The following IGF2BP2 variants were observed in gnomAD, a reference collection of about 807,000 sequenced individuals.
The protein encoded by IGF2BP2 is insulin like growth factor 2 mRNA binding protein 2.
In IGF2BP2, 17 loss-of-function variants were observed where a neutral mutation model predicts 75.8. That is an observed-to-expected ratio of 0.22 (90% confidence interval 0.15 to 0.34). The LOEUF is 0.34. Among genes scored for constraint, IGF2BP2 ranks in the 10% least tolerant of loss-of-function variants. The pLI, the probability that IGF2BP2 is intolerant of heterozygous loss-of-function variation, is 1.00. For missense variants in IGF2BP2, 516 were observed against 772.4 expected (o/e 0.67, Z 3.93); for synonymous variants, 288 against 295.6 (o/e 0.97, Z 0.26).
At chr3:185,817,221 C>T (rs1740728678) in intron 2 of IGF2BP2, among the ~76,000 whole-genome samples, 1 of 152,086 alleles carries the variant, frequency 6.6e-6, no homozygotes, top group South Asian at 2.1e-4. Context: ...GAGGAATAAA[C>T]AAAATGTATC....
In IGF2BP2 at chr3:185,645,534, C is replaced by G; in HGVS notation, c.1797G>C (p.Lys599Asn). Reference sequence around the variant, plus strand: ...TTTGCTGGTGCCTGTGGGAGCCTCACTTGCTGCGCTGTGAGGCGACTCCCT... The same window carrying G: ...TTTGCTGGTGCCTGTGGGAGCCTCAGTTGCTGCGCTGTGAGGCGACTCCCT... ...YPQGVASQRSK is the reference protein window; with the variant it reads ...YPQGVASQRSN Residue 599 changes from lysine to asparagine, a missense_variant, in exon 16 of 16, where the codon AAG (lysine) becomes AAC (asparagine). Coordinates refer to ENST00000382199, the MANE Select transcript of IGF2BP2 (RefSeq NM_006548.6). The surrounding 1 kb of genome is among the most constrained non-coding windows in gnomAD (Gnocchi z 4.9). 1 of 1,609,730 alleles carries G rather than the reference C, an allele frequency of 6.2e-7. No individual in the cohort carries two copies. Among genetic ancestry groups the G allele is most frequent in the Non-Finnish European group, 8.5e-7 (1 of 1,176,036 alleles).
At chr3:185,652,604 T>C (rs1577812714) in intron 12 of IGF2BP2, among the ~76,000 whole-genome samples, 1 of 152,174 alleles carries the variant, frequency 6.6e-6, no homozygotes, top group East Asian at 1.9e-4. Context: ...CAAAGGTATC[T>C]CTGGTTCTAA....
chr3:185,671,486 A>G (rs1336433524), intron 10 of IGF2BP2, among the ~76,000 whole-genome samples: 2 of 151,202 alleles, frequency 1.3e-5, no homozygotes, highest in Non-Finnish European at 3.0e-5. Context: ...GCAGTGAGAC[A>G]AGATCGCGCC....
intron 12 of IGF2BP2, among the ~76,000 whole-genome samples, chr3:185,653,505 C>T (rs1262017993): frequency 2.0e-5 from 3 of 151,908 alleles, no homozygotes; most frequent in Non-Finnish European, 2.9e-5. Context: ...CCTGCAGTCC[C>T]AGCTACTTGG....
At chr3:185,653,123 C>CCAGCTTCCTTCT (rs1714878747) in intron 12 of IGF2BP2, among the ~76,000 whole-genome samples, 1 of 152,044 alleles carries the variant, frequency 6.6e-6, no homozygotes. Context: ...GCCACTGCGC[C>CCAGCTTCCTTCT]CAGCTTCCTT....
At chr3:185,797,897 TAAAAAAA>T in intron 2 of IGF2BP2, among the ~76,000 whole-genome samples, 1 of 90,358 alleles carries the variant, frequency 1.1e-5, no homozygotes, top group East Asian at 3.1e-4. Flanking sequence ...CCCTGTCTCT[TAAAAAAA>T]AAAAAAAAAA....
intron 2 of IGF2BP2, among the ~76,000 whole-genome samples, chr3:185,753,610 G>C (rs1731227580): frequency 6.6e-6 from 1 of 152,084 alleles, no homozygotes; most frequent in Non-Finnish European, 1.5e-5. Flanking sequence ...ATTTCCTCTT[G>C]ATGTCCCAGT....
intron 2 of IGF2BP2, among the ~76,000 whole-genome samples, chr3:185,700,054 T>C (rs934332467): frequency 3.3e-5 from 5 of 152,150 alleles, no homozygotes; most frequent in Admixed American, 3.3e-4. Flanking sequence ...AATACTCATT[T>C]TGGGGGGTTG....
chr3:185,685,163 C>T lies in IGF2BP2; in HGVS notation c.812+1894G>A, dbSNP rs537151114. On this transcript the variant is annotated intron_variant, in intron 7 of 15. Transcript: ENST00000382199. Reference sequence around the variant, plus strand: ...AGGAGTTCGAGACCAGCCTGGGCAACGTGGTTAAACCCTGTCTCTACTAAA... The same window carrying T: ...AGGAGTTCGAGACCAGCCTGGGCAATGTGGTTAAACCCTGTCTCTACTAAA... Among the ~76,000 whole-genome samples the T allele has an allele frequency of 3.9e-5, 6 of 152,114 alleles. No individual in the cohort carries two copies. The South Asian group carries it at 8.3e-4, about 21-fold the overall frequency.
chr3:185,665,719 C>A, intron 10 of IGF2BP2, among the ~76,000 whole-genome samples: 1 of 152,160 alleles, frequency 6.6e-6, no homozygotes, highest in Non-Finnish European at 1.5e-5. Context: ...GTAATCCCAG[C>A]ACTTTGGGAG....
intron 9 of IGF2BP2, among the ~76,000 whole-genome samples, chr3:185,673,854 A>G (rs1718888560): frequency 6.6e-6 from 1 of 152,222 alleles, no homozygotes; most frequent in African/African-American, 2.4e-5. Context: ...GCTCAGGTGA[A>G]GATGTATGAA....
intron 2 of IGF2BP2, among the ~76,000 whole-genome samples, chr3:185,701,936 A>G (rs1472451650): frequency 6.6e-6 from 1 of 152,130 alleles, no homozygotes; most frequent in African/African-American, 2.4e-5. Flanking sequence ...ATGCCTTCTC[A>G]TCAGGGTACC....
rs116679680 is a variant in IGF2BP2 at position 185,786,005 on chromosome 3, C to T, written c.239+37148G>A. On this transcript the variant is annotated intron_variant, in intron 2 of 15. Coordinates refer to ENST00000382199, the MANE Select transcript of IGF2BP2 (RefSeq NM_006548.6). ...TTCAGAGGTTGATAAGATACATGTC[C>T]TGTCTTCCAGAATTCAGTTTTAAGC... 2.3e-3 allele frequency among the ~76,000 whole-genome samples: 353 copies of T among 152,294 alleles called. 2 individuals carry two copies. Among genetic ancestry groups the T allele is most frequent in the African/African-American group, 8.2e-3 (341 of 41,544 alleles).
rs34102603 is a variant in IGF2BP2 at position 185,709,085 on chromosome 3, C to T, written c.240-10738G>A. Among the ~76,000 whole-genome samples the T allele has an allele frequency of 4.7e-3, 718 of 152,272 alleles. 2 individuals carry two copies. Among genetic ancestry groups the T allele is most frequent in the Non-Finnish European group, 8.5e-3 (581 of 68,032 alleles). ...ACGAGGGTAAAAACAAATATTTACA[C>T]ATCATCATTTGAGCTCAGATAAATA... On this transcript the variant is annotated intron_variant, in intron 2 of 15. Coordinates refer to ENST00000382199, the MANE Select transcript of IGF2BP2 (RefSeq NM_006548.6).
At chr3:185,761,204 CA>C (rs1732312250) in intron 2 of IGF2BP2, among the ~76,000 whole-genome samples, 1 of 152,070 alleles carries the variant, frequency 6.6e-6, no homozygotes, top group Non-Finnish European at 1.5e-5. Flanking sequence ...AGAAATGCCT[CA>C]AAGACGACTT....
At chr3:185,779,902 C>T (rs1042652943) in intron 2 of IGF2BP2, among the ~76,000 whole-genome samples, 1 of 152,178 alleles carries the variant, frequency 6.6e-6, no homozygotes, top group Admixed American at 6.5e-5. Flanking sequence ...TTCTCAATCC[C>T]TACCCTAGAG....
intron 2 of IGF2BP2, among the ~76,000 whole-genome samples, chr3:185,711,513 T>TC (rs1216841451): frequency 1.3e-5 from 2 of 151,918 alleles, no homozygotes; most frequent in African/African-American, 4.8e-5. Flanking sequence ...TCCTGAGTTT[T>TC]CATCACTTCC....
At chr3:185,803,372 T>C (rs1211010148) in intron 2 of IGF2BP2, among the ~76,000 whole-genome samples, 1 of 152,096 alleles carries the variant, frequency 6.6e-6, no homozygotes, top group African/African-American at 2.4e-5. Flanking sequence ...CAAAATAAAA[T>C]AGCCCTAAAT....
intron 2 of IGF2BP2, among the ~76,000 whole-genome samples, chr3:185,785,765 A>G (rs981920378): frequency 6.6e-6 from 1 of 152,188 alleles, no homozygotes; most frequent in Non-Finnish European, 1.5e-5. Flanking sequence ...GTGAGCTACA[A>G]TGGGGCCATT....
Sources: gnomAD v4.1 joint callset for allele counts (sites outside exome capture counted in the v4.1 genomes callset) on GRCh38, gnomAD v4.1.1 for gene constraint, Gnocchi (gnomAD v3.1) non-coding constraint, MANE v1.5 for transcripts, NCBI Gene and HGNC (gene_info 2026-07-23, HGNC 2026-07-21) for gene names.